GTF2A2: variants seen among roughly 807,000 people sequenced by gnomAD.
GTF2A2 encodes transcription initiation factor IIA subunit 2.
Under a neutral mutation model 14.3 loss-of-function variants are expected in GTF2A2, and 9 were observed. The observed-to-expected ratio is 0.63, with a 90% CI of 0.38 to 1.10. The LOEUF (loss-of-function observed/expected upper bound fraction) is 1.10, where lower values mean the gene tolerates loss of function less well. Among genes scored for constraint, GTF2A2 ranks in the 50% least tolerant of loss-of-function variants. GTF2A2 has a pLI of 0.01. For synonymous variants in GTF2A2, 56 were observed against 46.0 expected (o/e 1.22, Z -0.88); for missense variants, 90 against 124.6 (o/e 0.72, Z 1.32).
chr15:59,648,302 G>A (rs2141962872), intron 3 of GTF2A2, among the ~76,000 whole-genome samples: 1 of 151,550 alleles, frequency 6.6e-6, no homozygotes, highest in Non-Finnish European at 1.5e-5. Flanking sequence ...CAGCTATTCA[G>A]GAGGCTGAGA....
At chr15:59,642,439 G>A (rs567509913) in intron 3 of GTF2A2, among the ~76,000 whole-genome samples, 177 bp from the exon 4 acceptor site, 1 of 152,130 alleles carries the variant, frequency 6.6e-6, no homozygotes, top group Admixed American at 6.5e-5. Flanking sequence ...AATTTGCTAA[G>A]GGAAGATTTC....
intron 2 of GTF2A2, 126 bp from the exon 3 acceptor site, chr15:59,650,899 T>G: frequency 1.7e-6 from 1 of 592,082 alleles, no homozygotes; most frequent in East Asian, 2.9e-5. Flanking sequence ...TAGAATTCCT[T>G]TATCTCCTTT....
Position 59,639,111 on chromosome 15 carries a change from A to AAAAAGTCATATTTTTTC in GTF2A2, c.*4_*20dup, listed in dbSNP as rs770657771. 1 of 1,353,976 alleles carries AAAAAGTCATATTTTTTC rather than the reference A, an allele frequency of 7.4e-7. No individual in the cohort carries two copies. 83.9% of individuals were successfully genotyped at this position (1,353,976 alleles called of 1,614,324 possible). ...GCAATGAATAACAGAAGATGGTGTA[A>AAAAAGTCATATTTTTTC]AAAAGTCATATTTTTTCTATTCATT... On this transcript the variant is annotated 3_prime_UTR_variant, in exon 5 of 5. Coordinates refer to ENST00000396060, the MANE Select transcript of GTF2A2 (RefSeq NM_004492.3).
chr15:59,642,471 C>A (rs1196730735), intron 3 of GTF2A2, among the ~76,000 whole-genome samples: 1 of 152,080 alleles, frequency 6.6e-6, no homozygotes, highest in Non-Finnish European at 1.5e-5. Context: ...AGTTGGCAGA[C>A]TGTATTTTTA....
chr15:59,653,279 A>G (rs1891848064), intron 1 of GTF2A2, among the ~76,000 whole-genome samples: 1 of 152,182 alleles, frequency 6.6e-6, no homozygotes, highest in Admixed American at 6.5e-5. Context: ...AGCTTCCACT[A>G]CACGTCAGGT....
At position 59,647,380 on chromosome 15, in the gene GTF2A2, T is replaced by C. The variant is rs367811892; in HGVS notation, c.177+3289A>G. On this transcript the variant is annotated intron_variant, in intron 3 of 4. Coordinates refer to ENST00000396060, the MANE Select transcript of GTF2A2 (RefSeq NM_004492.3). ...TCCCAAGGTGCTGGGATTACAGGCT[T>C]GAGCTGCAGTGCCAGATAATTATAC... Among the ~76,000 whole-genome samples the C allele has an allele frequency of 3.3e-4, 51 of 152,338 alleles. 1 individual carries two copies. In the South Asian group the frequency reaches 6.2e-3, roughly 19 times the overall value.
chr15:59,650,995 G>A (rs1398113811), intron 2 of GTF2A2, among the ~76,000 whole-genome samples: 1 of 152,130 alleles, frequency 6.6e-6, no homozygotes, highest in Non-Finnish European at 1.5e-5. Context: ...AACATGCAGT[G>A]ATGTTACAAA....
chr15:59,644,530 G>A (rs1413551238), intron 3 of GTF2A2, among the ~76,000 whole-genome samples: 1 of 152,184 alleles, frequency 6.6e-6, no homozygotes, highest in African/African-American at 2.4e-5. Flanking sequence ...ACAGCTCCCT[G>A]CCACTGGTGA....
In GTF2A2 at chr15:59,638,297, T is replaced by G. The variant is rs1891248228; in HGVS notation, c.*835A>C. The G allele has an allele frequency of 6.6e-6, 1 of 152,140 alleles. No homozygotes were observed. Among genetic ancestry groups the G allele is most frequent in the South Asian group, 2.1e-4 (1 of 4,832 alleles). The allele number at this position is 152,140 out of a possible 1,614,324, so 9.4% of individuals were successfully genotyped here. On this transcript the variant is annotated 3_prime_UTR_variant, in exon 5 of 5. Transcript: ENST00000396060. ...CATCGAGGTAACAGCAAAAATCTTT[T>G]ACTCCAATTGGGTCAATCCAGTTAA...
intron 2 of GTF2A2, chr15:59,651,264 G>T (rs1055269135): frequency 2.6e-5 from 4 of 151,284 alleles, no homozygotes; most frequent in Admixed American, 6.6e-5. Flanking sequence ...CACAACCTCT[G>T]CCTCCCGCAT....
At chr15:59,645,525 C>T (rs1455176484) in intron 3 of GTF2A2, among the ~76,000 whole-genome samples, 6 of 152,124 alleles carry the variant, frequency 3.9e-5, no homozygotes, top group East Asian at 1.9e-4. Flanking sequence ...AAAAGTAACT[C>T]GGCAACAGCA....
At chr15:59,641,704 T>G (rs1891434255) in intron 4 of GTF2A2, among the ~76,000 whole-genome samples, 1 of 152,200 alleles carries the variant, frequency 6.6e-6, no homozygotes, top group African/African-American at 2.4e-5. Context: ...AGATGAATAT[T>G]TACCATCATG....
chr15:59,648,174 C>A (rs573295575), intron 3 of GTF2A2, among the ~76,000 whole-genome samples: 17 of 151,896 alleles, frequency 1.1e-4, no homozygotes, highest in African/African-American at 4.1e-4. Context: ...TTTGGGAGGC[C>A]GAGGCGGGCG....
rs1369527355 is a variant in GTF2A2 at position 59,657,441 on chromosome 15, G to C, written c.-85C>G. The C allele has an allele frequency of 1.3e-5, 2 of 152,666 alleles. No homozygotes were observed. Among genetic ancestry groups the C allele is most frequent in the South Asian group, 2.1e-4 (1 of 4,834 alleles). 9.5% of individuals were successfully genotyped at this position (152,666 alleles called of 1,614,324 possible). Reference sequence around the variant, plus strand: ...GGCGCTTCCCTCCGCGGAGCGGACAGAAGCCGCCACGAGCCCGGCAGGAGG... The same window carrying C: ...GGCGCTTCCCTCCGCGGAGCGGACACAAGCCGCCACGAGCCCGGCAGGAGG... On this transcript the variant is annotated 5_prime_UTR_variant, in exon 1 of 5. Coordinates refer to ENST00000396060, the MANE Select transcript of GTF2A2 (RefSeq NM_004492.3).
chr15:59,652,324 G>A lies in GTF2A2; in HGVS notation c.-47C>T. 1 of 1,003,240 alleles carries A rather than the reference G, an allele frequency of 1.0e-6. No homozygotes were observed. Among genetic ancestry groups the A allele is most frequent in the East Asian group, 2.4e-5 (1 of 41,710 alleles). The allele number at this position is 1,003,240 out of a possible 1,614,324, so 62.1% of individuals were successfully genotyped here. On this transcript the variant is annotated splice_region_variant and 5_prime_UTR_variant, in exon 2 of 5. Coordinates refer to ENST00000396060, the MANE Select transcript of GTF2A2 (RefSeq NM_004492.3). ...TTTTCTTATTCAAGCTTGCATTGAT[G>A]TCCTAAAAATTTAATATAAAATTGT...
In GTF2A2 at chr15:59,641,887, T is replaced by A. The variant is rs145074605; in HGVS notation, c.304+249A>T. ...GTAATGGAAATAGGGAACAAATGCT[T>A]ATTAATTTGCTTATTTTACCCACAC... is the stretch of plus-strand genomic sequence containing the variant. On this transcript the variant is annotated intron_variant, in intron 4 of 4. Transcript: ENST00000396060. Among the ~76,000 whole-genome samples the A allele has an allele frequency of 7.1e-4, 108 of 152,294 alleles. 1 individual carries two copies. In the East Asian group the frequency reaches 0.019, roughly 27 times the overall value.
chr15:59,644,623 G>A (rs1353935173), intron 3 of GTF2A2, among the ~76,000 whole-genome samples: 1 of 152,178 alleles, frequency 6.6e-6, no homozygotes, highest in East Asian at 1.9e-4. Context: ...TGGGTACAAT[G>A]AGAGTACAGC....
At chr15:59,642,610 C>A (rs1300477375) in intron 3 of GTF2A2, among the ~76,000 whole-genome samples, 7 of 152,144 alleles carry the variant, frequency 4.6e-5, no homozygotes, top group African/African-American at 1.2e-4. Context: ...TTAAAAGTTA[C>A]ATATTTTATT....
chr15:59,639,951 A>T (rs1188069784), intron 4 of GTF2A2: 3 of 151,958 alleles, frequency 2.0e-5, no homozygotes, highest in African/African-American at 7.3e-5. Context: ...GAGTTTCACC[A>T]TGTTGGCCAG....
Sources: allele counts gnomAD v4.1 joint callset (sites outside exome capture counted in the v4.1 genomes callset), GRCh38; gene constraint gnomAD v4.1.1; transcripts MANE v1.5; gene names NCBI Gene and HGNC (gene_info 2026-07-23, HGNC 2026-07-21).